ZFR: variants seen among roughly 807,000 people sequenced by gnomAD.
ZFR encodes the protein zinc finger RNA-binding protein.
Under a neutral mutation model 130.7 loss-of-function variants are expected in ZFR, and 19 were observed. That is an observed-to-expected ratio of 0.15 (90% CI 0.10 to 0.21). ZFR has a LOEUF of 0.21. Among genes scored for constraint, ZFR ranks in the 10% least tolerant of loss-of-function variants. The pLI is 1.00. For missense variants in ZFR, 872 were observed against 1,321.5 expected (o/e 0.66, Z 5.27); for synonymous variants, 466 against 456.9 (o/e 1.02, Z -0.25).
chr5:32,400,002 A>G lies in ZFR; in HGVS notation c.1713+5T>C, dbSNP rs1471682068. 1 of 1,594,864 alleles carries G rather than the reference A, an allele frequency of 6.3e-7. No homozygotes were observed. Among genetic ancestry groups the G allele is most frequent in the Non-Finnish European group, 8.5e-7 (1 of 1,170,530 alleles). On this transcript the variant is annotated splice_donor_5th_base_variant and intron_variant, in intron 9 of 19. Coordinates refer to ENST00000265069, the MANE Select transcript of ZFR (RefSeq NM_016107.5). ...TCACAGCAATGGTATTCTCAAATCA[A>G]TTACCTCTTCCACATAATCATGGCC...
intron 2 of ZFR, among the ~76,000 whole-genome samples, chr5:32,438,420 C>T (rs1276087931): frequency 4.0e-5 from 6 of 151,874 alleles, no homozygotes; most frequent in African/African-American, 7.3e-5. Context: ...TGCACCACCA[C>T]GCCTGGCTAA....
intron 17 of ZFR, chr5:32,365,057 T>C (rs542102279): frequency 1.1e-4 from 16 of 152,350 alleles, no homozygotes; most frequent in African/African-American, 3.8e-4. Flanking sequence ...TCTACAGATT[T>C]GCCTACTATG....
At chr5:32,379,050 A>G (rs1425842403) in intron 17 of ZFR, 65 bp downstream of exon 17, 1 of 1,209,998 alleles carries the variant, frequency 8.3e-7, no homozygotes, top group African/African-American at 1.5e-5. Context: ...ATGTAAACTG[A>G]GAGGATAAAA....
At chr5:32,404,850 T>C (rs1245857185) in intron 6 of ZFR, among the ~76,000 whole-genome samples, 2 of 152,130 alleles carry the variant, frequency 1.3e-5, no homozygotes, top group Admixed American at 6.5e-5. Context: ...TGGGTCTCAC[T>C]CTGTTACCCA....
At chr5:32,385,366 A>G (rs1285475427) in intron 15 of ZFR, 142 bp downstream of exon 15, 1 of 842,510 alleles carries the variant, frequency 1.2e-6, no homozygotes, top group African/African-American at 1.7e-5. Context: ...ATCTTAGGCA[A>G]AACCGGTTGC....
chr5:32,374,681 A>G (rs1752756712), intron 17 of ZFR, among the ~76,000 whole-genome samples: 1 of 140,980 alleles, frequency 7.1e-6, no homozygotes, highest in African/African-American at 2.7e-5. Flanking sequence ...AGTCTAATCA[A>G]TGACACAAGG....
chr5:32,421,652 G>C (rs1339878257), intron 2 of ZFR, among the ~76,000 whole-genome samples: 5 of 151,934 alleles, frequency 3.3e-5, no homozygotes, highest in Non-Finnish European at 7.4e-5. Flanking sequence ...CCAGAGAACA[G>C]AACTAGAACC....
intron 11 of ZFR, among the ~76,000 whole-genome samples, chr5:32,392,498 T>C (rs1753204593): frequency 6.6e-6 from 1 of 152,148 alleles, no homozygotes; most frequent in East Asian, 1.9e-4. Context: ...TCTGTACAAA[T>C]CAACACATAA....
At chr5:32,405,432 CT>C (rs1332217163) in intron 6 of ZFR, among the ~76,000 whole-genome samples, 1 of 152,222 alleles carries the variant, frequency 6.6e-6, no homozygotes, top group African/African-American at 2.4e-5. Flanking sequence ...GGTACTGACA[CT>C]GACTTGCAGA....
At chr5:32,423,751 C>T (rs1215263488) in intron 2 of ZFR, among the ~76,000 whole-genome samples, 1 of 152,044 alleles carries the variant, frequency 6.6e-6, no homozygotes, top group African/African-American at 2.4e-5. Flanking sequence ...AACCTAGAGA[C>T]ATAGCATTTT....
intron 5 of ZFR, among the ~76,000 whole-genome samples, chr5:32,412,633 T>C (rs1342739181): frequency 6.6e-6 from 1 of 152,240 alleles, no homozygotes. Flanking sequence ...CTTTTCATAA[T>C]GTTGCCATTG....
At chr5:32,368,875 T>C (rs1752602227) in intron 17 of ZFR, among the ~76,000 whole-genome samples, 1 of 152,216 alleles carries the variant, frequency 6.6e-6, no homozygotes, top group African/African-American at 2.4e-5. Flanking sequence ...GCTCTTAAAA[T>C]AGGATTTTAT....
chr5:32,387,359 C>A (rs905658339), intron 14 of ZFR, among the ~76,000 whole-genome samples, 190 bp downstream of exon 14: 5 of 152,072 alleles, frequency 3.3e-5, no homozygotes, highest in African/African-American at 1.2e-4. Flanking sequence ...AATATAATCA[C>A]TATAAAACCT....
At chr5:32,379,512 C>T (rs1752892588) in intron 16 of ZFR, 2 of 291,370 alleles carry the variant, frequency 6.9e-6, no homozygotes, top group Admixed American at 1.0e-4. Flanking sequence ...AGTCTGCCTA[C>T]ATTAGAAATA....
intron 5 of ZFR, among the ~76,000 whole-genome samples, chr5:32,414,346 T>A (rs137883303): frequency 2.0e-5 from 3 of 152,178 alleles, no homozygotes; most frequent in Non-Finnish European, 2.9e-5. Context: ...CAATGTGTGA[T>A]CTTAATCACT....
chr5:32,423,876 T>C (rs760833456), intron 2 of ZFR, among the ~76,000 whole-genome samples: 5 of 152,236 alleles, frequency 3.3e-5, no homozygotes, highest in Non-Finnish European at 4.4e-5. Flanking sequence ...AGGTATTATC[T>C]TCAAAATTCA....
chr5:32,371,129 G>C (rs1397931002), intron 17 of ZFR, among the ~76,000 whole-genome samples: 1 of 152,160 alleles, frequency 6.6e-6, no homozygotes, highest in Non-Finnish European at 1.5e-5. Flanking sequence ...CAGCACTTCG[G>C]AAGACCGTGG....
intron 19 of ZFR, 28 bp from the exon 20 acceptor site, chr5:32,355,967 GTTAATTGAAAAACCCCAAGTAGTAATAC>G (rs1752296928): frequency 1.3e-6 from 2 of 1,547,400 alleles, no homozygotes; most frequent in East Asian, 4.8e-5. Context: ...AGAATTTTGA[GTTAATTGAAAAACCCCAAGTAGTAATAC>G]TTACTACATT....
chr5:32,431,234 A>G (rs1057101733), intron 2 of ZFR, among the ~76,000 whole-genome samples: 4 of 152,266 alleles, frequency 2.6e-5, no homozygotes, highest in Non-Finnish European at 5.9e-5. Flanking sequence ...CATTGACCAT[A>G]TAAAACAAGT....
Sources: allele counts gnomAD v4.1 joint callset (sites outside exome capture counted in the v4.1 genomes callset), GRCh38; gene constraint gnomAD v4.1.1; transcripts MANE v1.5; gene names NCBI Gene and HGNC (gene_info 2026-07-23, HGNC 2026-07-21).